The following CHSY3 variants were observed in gnomAD, a reference collection of about 807,000 sequenced individuals.
CHSY3 encodes chondroitin sulfate synthase 3, also known as N-acetylgalactosaminyl-proteoglycan 3-beta-glucuronosyltransferase 3.
A neutral mutation model predicts 67.2 loss-of-function variants in CHSY3; 35 were observed. That is an observed-to-expected ratio of 0.52 (90% CI 0.40 to 0.69). CHSY3 has a LOEUF of 0.69. Ranked by LOEUF, CHSY3 falls within the 30% of genes least tolerant of loss-of-function variation. CHSY3 has a pLI of 0.00. For missense variants in CHSY3, 1,069 were observed against 1,138.5 expected (o/e 0.94, Z 0.88); for synonymous variants, 474 against 434.7 (o/e 1.09, Z -1.12).
In CHSY3 at chr5:129,904,568, A is replaced by C; in HGVS notation, c.-262A>C. 1 of 418,256 alleles carries C rather than the reference A, an allele frequency of 2.4e-6. No individual in the cohort carries two copies. Among genetic ancestry groups the C allele is most frequent in the Non-Finnish European group, 3.8e-6 (1 of 264,970 alleles). 25.9% of individuals were successfully genotyped at this position (418,256 alleles called of 1,614,324 possible). A position where few individuals can be genotyped will look rare whatever the true frequency, so the allele number is the denominator to read the frequency against. On this transcript the variant is annotated 5_prime_UTR_variant, in exon 1 of 3. Coordinates refer to ENST00000305031, the MANE Select transcript of CHSY3 (RefSeq NM_175856.5). ...TGCCGCTGCTGCCGCCGCTGCCGCC[A>C]CCGCCGCCGCCGGGAGAAGTTTCAC...
At chr5:130,171,121 A>G (rs369882688) in intron 2 of CHSY3, among the ~76,000 whole-genome samples, 1 of 152,308 alleles carries the variant, frequency 6.6e-6, no homozygotes, top group South Asian at 2.1e-4. Flanking sequence ...TAGGGAAAAA[A>G]TAAATGTAAA....
chr5:130,092,304 T>C (rs577011806), intron 2 of CHSY3, among the ~76,000 whole-genome samples: 2 of 152,290 alleles, frequency 1.3e-5, no homozygotes, highest in South Asian at 4.1e-4. Context: ...TGGGGACAAA[T>C]CTTGAGTTAC....
chr5:130,115,495 T>C (rs930509513), intron 2 of CHSY3, among the ~76,000 whole-genome samples: 15 of 152,330 alleles, frequency 9.8e-5, no homozygotes, highest in African/African-American at 3.1e-4. Context: ...TTCCTACTTA[T>C]AATGCTTGCT....
chr5:130,098,343 A>G lies in CHSY3; in HGVS notation c.1087-85886A>G, dbSNP rs139345845. ...CTTTCTCCTATAACTTGGAAGGTAT[A>G]CACACCCACGTTTATTGATATCTGC... On this transcript the variant is annotated intron_variant, in intron 2 of 2. Transcript: ENST00000305031. Among the ~76,000 whole-genome samples, 284 of 152,274 alleles carry G rather than the reference A, an allele frequency of 1.9e-3. 7 individuals carry two copies. The East Asian group carries it at 0.052, about 28-fold the overall frequency.
At chr5:130,144,329 A>C (rs538074480) in intron 2 of CHSY3, among the ~76,000 whole-genome samples, 3 of 152,284 alleles carry the variant, frequency 2.0e-5, no homozygotes, top group African/African-American at 7.2e-5. Flanking sequence ...TATTTGCTGG[A>C]TACAAAATCA....
chr5:129,956,738 GT>G (rs1163823513), intron 2 of CHSY3, among the ~76,000 whole-genome samples: 1 of 150,152 alleles, frequency 6.7e-6, no homozygotes, highest in Non-Finnish European at 1.5e-5. Context: ...TCGTTGCTTG[GT>G]TTTTTTTTCA....
Position 129,904,636 on chromosome 5 carries a change from G to A in CHSY3, c.-194G>A. On this transcript the variant is annotated 5_prime_UTR_variant, in exon 1 of 3. Coordinates refer to ENST00000305031, the MANE Select transcript of CHSY3 (RefSeq NM_175856.5). ...AGCCCCGGCCCAGAGCTGAGCGGGA[G>A]CCCGGCAGGCAGCTGCAGCCCGCGG... The A allele has an allele frequency of 1.1e-6, 1 of 885,030 alleles. No homozygotes were observed. Among genetic ancestry groups the A allele is most frequent in the Non-Finnish European group, 1.5e-6 (1 of 681,950 alleles). The allele number at this position is 885,030 out of a possible 1,614,324, so 54.8% of individuals were successfully genotyped here.
intron 2 of CHSY3, among the ~76,000 whole-genome samples, chr5:130,054,543 T>G (rs1358567076): frequency 6.6e-6 from 1 of 152,154 alleles, no homozygotes; most frequent in Admixed American, 6.6e-5. Context: ...GTGCTGGCCC[T>G]GTGATATTAA....
At chr5:130,174,297 T>C (rs1171491903) in intron 2 of CHSY3, among the ~76,000 whole-genome samples, 1 of 151,124 alleles carries the variant, frequency 6.6e-6, no homozygotes, top group East Asian at 1.9e-4. Flanking sequence ...TCCTTTCTCG[T>C]TAAAAAAAAA....
Position 130,184,400 on chromosome 5 carries a change from C to T in CHSY3, c.1258C>T (p.Arg420Cys), listed in dbSNP as rs367575486. 1.3e-5 allele frequency: 21 copies of T among 1,613,436 alleles called. No individual in the cohort carries two copies. Among genetic ancestry groups the T allele is most frequent in the African/African-American group, 9.3e-5 (7 of 74,890 alleles). The change falls in exon 3 of 3, where the codon CGC (arginine) becomes TGC (cysteine). Residue 420 changes from arginine (R) to cysteine (C), a missense_variant. Arg to Cys is a radical substitution (Grantham distance 180). This residue lies in a region of CHSY3 where 401 missense variants were observed against 395.2 expected (regional missense o/e 1.01). Transcript: ENST00000305031. Reference sequence around the variant, plus strand: ...CCGCAAAATTTCTGAACTTCGCTACCGCACCATCCAGCTCCACAGGGAAAG... The same window carrying T: ...CCGCAAAATTTCTGAACTTCGCTACTGCACCATCCAGCTCCACAGGGAAAG... ...LSRKISELRY[R>C]TIQLHRESAL...
intron 2 of CHSY3, among the ~76,000 whole-genome samples, chr5:130,124,369 ATGT>A (rs201005298): frequency 6.6e-6 from 1 of 152,108 alleles, no homozygotes; most frequent in East Asian, 1.9e-4. Context: ...TATTTTCATA[ATGT>A]TGTCTGTAAA....
chr5:130,063,745 GA>G (rs1209926248), intron 2 of CHSY3, among the ~76,000 whole-genome samples: 2 of 152,090 alleles, frequency 1.3e-5, no homozygotes, highest in African/African-American at 4.8e-5. Flanking sequence ...GGTGTCTGGT[GA>G]GGGCCTTCTT....
intron 2 of CHSY3, chr5:130,002,053 A>C: frequency 1.1e-6 from 1 of 888,550 alleles, no homozygotes; most frequent in Non-Finnish European, 1.3e-6. Flanking sequence ...TCACTACTTT[A>C]GCAGTAGAAG....
chr5:129,978,633 G>A lies in CHSY3; in HGVS notation c.1086+70273G>A, dbSNP rs150487476. Among the ~76,000 whole-genome samples the A allele has an allele frequency of 3.0e-3, 456 of 152,082 alleles. 4 individuals are homozygous for A. Among genetic ancestry groups the A allele is most frequent in the African/African-American group, 0.01 (434 of 41,506 alleles). ...TCATATGTATTTTTATGTACAAATC[G>A]TAATGAAGATAAGCCTATAATGTTG... is the stretch of plus-strand genomic sequence containing the variant. On this transcript the variant is annotated intron_variant, in intron 2 of 2. Coordinates refer to ENST00000305031, the MANE Select transcript of CHSY3 (RefSeq NM_175856.5).
At chr5:130,169,336 A>G (rs1281175041) in intron 2 of CHSY3, among the ~76,000 whole-genome samples, 1 of 152,130 alleles carries the variant, frequency 6.6e-6, no homozygotes, top group East Asian at 1.9e-4. Context: ...ACCAAATGAC[A>G]TAAGAAACTC....
At chr5:130,014,409 A>G (rs1764153005) in intron 2 of CHSY3, among the ~76,000 whole-genome samples, 1 of 152,230 alleles carries the variant, frequency 6.6e-6, no homozygotes, top group Non-Finnish European at 1.5e-5. Context: ...TCACAGTTTC[A>G]CATGGCTAGG....
At chr5:129,933,229 A>G (rs1019547147) in intron 2 of CHSY3, among the ~76,000 whole-genome samples, 1 of 152,108 alleles carries the variant, frequency 6.6e-6, no homozygotes, top group Admixed American at 6.6e-5. Flanking sequence ...GTTAGCCTGG[A>G]TGGCCACAAA....
At chr5:129,963,318 G>C (rs1411813192) in intron 2 of CHSY3, among the ~76,000 whole-genome samples, 1 of 152,034 alleles carries the variant, frequency 6.6e-6, no homozygotes, top group Non-Finnish European at 1.5e-5. Flanking sequence ...GGGTAGGCAT[G>C]AGAAACATTT....
chr5:129,982,877 C>A (rs1763061983), intron 2 of CHSY3, among the ~76,000 whole-genome samples: 1 of 152,084 alleles, frequency 6.6e-6, no homozygotes, highest in Non-Finnish European at 1.5e-5. Flanking sequence ...CTTAGCAAAG[C>A]AGCTTTAAGA....
Sources: allele counts gnomAD v4.1 joint callset (sites outside exome capture counted in the v4.1 genomes callset), GRCh38; gene constraint gnomAD v4.1.1; regional missense constraint gnomAD v4.1.1; transcripts MANE v1.5; gene names NCBI Gene and HGNC (gene_info 2026-07-23, HGNC 2026-07-21).